The following FARP1 variants were observed in gnomAD, a reference collection of about 807,000 sequenced individuals.
FARP1 encodes FERM, ARH/RhoGEF and pleckstrin domain protein 1.
A neutral mutation model predicts 128.8 loss-of-function variants in FARP1; 52 were observed. That is an observed-to-expected ratio of 0.40 (90% CI 0.32 to 0.51). FARP1 has a LOEUF of 0.51. FARP1 is among the 20% of genes least tolerant of loss of function. The pLI, the probability that FARP1 is intolerant of heterozygous loss-of-function variation, is 0.45. For missense variants in FARP1, 1,333 were observed against 1,367.9 expected, an observed-to-expected ratio of 0.97 and a Z score of 0.40; for synonymous variants, 580 against 551.8, an observed-to-expected ratio of 1.05 and a Z score of -0.72.
intron 26 of FARP1, 170 bp from the exon 27 acceptor site, chr13:98,448,066 T>A: frequency 1.5e-6 from 1 of 645,780 alleles, no homozygotes; most frequent in Non-Finnish European, 2.8e-6. Context: ...GGGTCTCCAC[T>A]GTACCTCAGG....
chr13:98,208,211 C>T (rs866433704), intron 1 of FARP1, among the ~76,000 whole-genome samples: 1 of 151,806 alleles, frequency 6.6e-6, no homozygotes. Context: ...AAAGAAGGGG[C>T]CAGCGTGGTG....
chr13:98,289,295 T>G (rs1441929208), intron 2 of FARP1, among the ~76,000 whole-genome samples: 1 of 152,150 alleles, frequency 6.6e-6, no homozygotes, highest in Non-Finnish European at 1.5e-5. Context: ...ATGCAGAGTC[T>G]CAAAGTTAAA....
intron 2 of FARP1, among the ~76,000 whole-genome samples, chr13:98,303,270 A>G (rs1298273795): frequency 6.6e-6 from 1 of 152,150 alleles, no homozygotes; most frequent in Non-Finnish European, 1.5e-5. Context: ...GGCTTGAGGG[A>G]AAGTTTAAGG....
intron 2 of FARP1, among the ~76,000 whole-genome samples, chr13:98,258,785 G>C (rs553234146): frequency 6.6e-6 from 1 of 152,174 alleles, no homozygotes; most frequent in Non-Finnish European, 1.5e-5. Context: ...CTCTTGATGA[G>C]ATGACAAATT....
intron 2 of FARP1, among the ~76,000 whole-genome samples, chr13:98,217,827 C>T (rs568457387): frequency 1.8e-4 from 28 of 152,340 alleles, no homozygotes; most frequent in South Asian, 1.0e-3. Flanking sequence ...TCATATCCTA[C>T]GCCGCAGCGG....
intron 1 of FARP1, among the ~76,000 whole-genome samples, chr13:98,207,579 A>C (rs1310248619): frequency 6.7e-6 from 1 of 149,190 alleles, no homozygotes; most frequent in African/African-American, 2.5e-5. Context: ...AGCCAGGTCC[A>C]TGCCTGCTTG....
chr13:98,302,884 C>G (rs1466508885), intron 2 of FARP1, among the ~76,000 whole-genome samples: 1 of 152,038 alleles, frequency 6.6e-6, no homozygotes, highest in Non-Finnish European at 1.5e-5. Context: ...AGAGAGAGAG[C>G]AGGGAGTATC....
At chr13:98,287,813 T>C (rs1231391029) in intron 2 of FARP1, among the ~76,000 whole-genome samples, 1 of 150,178 alleles carries the variant, frequency 6.7e-6, no homozygotes. Context: ...TTTTTTTTTT[T>C]TTTTTTTGAG....
intron 16 of FARP1, among the ~76,000 whole-genome samples, chr13:98,415,910 C>A (rs546804798): frequency 6.6e-6 from 1 of 152,352 alleles, no homozygotes; most frequent in East Asian, 1.9e-4. Flanking sequence ...TAGGTGTGGG[C>A]CTCGTTGAAC....
intron 1 of FARP1, among the ~76,000 whole-genome samples, chr13:98,199,433 G>GTGAAA (rs1420499154): frequency 6.6e-6 from 1 of 152,214 alleles, no homozygotes; most frequent in African/African-American, 2.4e-5. Context: ...CCTATAGGGT[G>GTGAAA]TGAAATGTAG....
In FARP1 at chr13:98,282,335, A is replaced by G. The variant is rs117384462; in HGVS notation, c.172-61427A>G. ...AAAAACCCCATGATTAACAAACTCA[A>G]TTAACCTACACAGGCTTAGTTATTG... On this transcript the variant is annotated intron_variant, in intron 2 of 26. Transcript: ENST00000319562. Among the ~76,000 whole-genome samples, 170 of 152,228 alleles carry G rather than the reference A, an allele frequency of 1.1e-3. 2 individuals carry two copies. The East Asian group carries it at 0.029, about 26-fold the overall frequency.
At position 98,385,938 on chromosome 13, in the gene FARP1, A is replaced by G; in HGVS notation, c.759+124A>G. Reference sequence around the variant, plus strand: ...TGGTTATTTTTCGGCGAACAAAGAAAAATTAACCTCATCTCAGGCTTTCTG... The same window carrying G: ...TGGTTATTTTTCGGCGAACAAAGAAGAATTAACCTCATCTCAGGCTTTCTG... On this transcript the variant is annotated intron_variant, in intron 8 of 26. Coordinates refer to ENST00000319562, the MANE Select transcript of FARP1 (RefSeq NM_005766.4). The G allele has an allele frequency of 4.0e-6, 4 of 990,176 alleles. No individual in the cohort carries two copies. In the South Asian group the frequency reaches 6.5e-5, roughly 16 times the overall value. 61.3% of individuals were successfully genotyped at this position (990,176 alleles called of 1,614,324 possible). A position where few individuals can be genotyped will look rare whatever the true frequency, so the allele number is the denominator to read the frequency against.
intron 19 of FARP1, chr13:98,437,630 C>T: frequency 1.7e-6 from 1 of 585,358 alleles, no homozygotes. Context: ...TTTCTATCAG[C>T]CAAGGCTCTG....
rs182105843 is a variant in FARP1 at position 98,267,654 on chromosome 13, C to T, written c.171+54241C>T. ...GCCTCACAGTTCAGAAGCCTTCAGG[C>T]AAGGTCAACAGAAACACGACGGGAA... On this transcript the variant is annotated intron_variant, in intron 2 of 26. Coordinates refer to ENST00000319562, the MANE Select transcript of FARP1 (RefSeq NM_005766.4). 2.8e-3 allele frequency among the ~76,000 whole-genome samples: 423 copies of T among 152,332 alleles called. 3 individuals carry two copies. Among genetic ancestry groups the T allele is most frequent in the African/African-American group, 9.8e-3 (406 of 41,572 alleles).
intron 13 of FARP1, chr13:98,401,770 G>A (rs1367309527): frequency 4.0e-5 from 6 of 151,148 alleles, no homozygotes; most frequent in Admixed American, 2.0e-4. Flanking sequence ...GCAATTAAAC[G>A]TCTTGGTAGA....
intron 2 of FARP1, among the ~76,000 whole-genome samples, chr13:98,260,649 C>G (rs1883833505): frequency 6.6e-6 from 1 of 152,130 alleles, no homozygotes; most frequent in South Asian, 2.1e-4. Flanking sequence ...GCTTTTTGGT[C>G]CCCTGTTTTT....
intron 19 of FARP1, chr13:98,437,700 C>T (rs1159104450): frequency 8.7e-6 from 7 of 803,852 alleles, no homozygotes; most frequent in Middle Eastern, 3.4e-4. Context: ...TGTCCTGGAC[C>T]GTGAAGAAAG....
At chr13:98,291,755 C>T (rs1261343090) in intron 2 of FARP1, among the ~76,000 whole-genome samples, 4 of 152,202 alleles carry the variant, frequency 2.6e-5, no homozygotes, top group Non-Finnish European at 5.9e-5. Flanking sequence ...TGCTGTCTCT[C>T]CTTTGAGCGC....
At chr13:98,145,665 C>G (rs1011783577) in intron 1 of FARP1, among the ~76,000 whole-genome samples, 1 of 152,010 alleles carries the variant, frequency 6.6e-6, no homozygotes, top group Non-Finnish European at 1.5e-5. Flanking sequence ...TCAGGATTTC[C>G]CAGCCTGGCT....
Sources: gnomAD v4.1 joint callset for allele counts (sites outside exome capture counted in the v4.1 genomes callset) on GRCh38, gnomAD v4.1.1 for gene constraint, MANE v1.5 for transcripts, NCBI Gene and HGNC (gene_info 2026-07-23, HGNC 2026-07-21) for gene names.